NAA15: variants seen among roughly 807,000 people sequenced by gnomAD.
NAA15 encodes the protein N-terminal acetyltransferase.
A neutral mutation model predicts 114.0 loss-of-function variants in NAA15; 34 were observed. The observed-to-expected ratio is 0.30, with a 90% CI of 0.23 to 0.40. NAA15 has a LOEUF of 0.40. Ranked by LOEUF, NAA15 falls within the 10% of genes least tolerant of loss-of-function variation. The pLI, the probability that NAA15 is intolerant of heterozygous loss-of-function variation, is 1.00. For synonymous variants in NAA15, 340 were observed against 338.0 expected, an observed-to-expected ratio of 1.01 and a Z score of -0.06; for missense variants, 658 against 1,004.5, an observed-to-expected ratio of 0.66 and a Z score of 4.66.
At position 139,340,094 on chromosome 4, in the gene NAA15, G is replaced by GGT. The variant is rs561024923; in HGVS notation, c.245-815_245-814dup. 1.1e-4 allele frequency among the ~76,000 whole-genome samples: 17 copies of GGT among 152,296 alleles called. No individual in the cohort carries two copies. In the South Asian group the frequency reaches 3.5e-3, roughly 32 times the overall value. On this transcript the variant is annotated intron_variant, in intron 3 of 19. Coordinates refer to ENST00000296543, the MANE Select transcript of NAA15 (RefSeq NM_057175.5). ...CCCCGCACTTTGGGAGGCCAAGGCA[G>GGT]GTGTATTGCTTGGGCTCAGGAGTTT...
intron 14 of NAA15, among the ~76,000 whole-genome samples, chr4:139,365,937 G>C (rs1424566783): frequency 1.3e-5 from 2 of 152,026 alleles, no homozygotes; most frequent in African/African-American, 4.8e-5. Flanking sequence ...TATGTTACCA[G>C]TTGTTAAAAA....
chr4:139,340,193 G>T (rs1234647791), intron 3 of NAA15, among the ~76,000 whole-genome samples: 1 of 152,040 alleles, frequency 6.6e-6, no homozygotes, highest in Non-Finnish European at 1.5e-5. Flanking sequence ...ATGCTGGTGT[G>T]TGCCTGTAGT....
chr4:139,365,249 G>A (rs1279171341), intron 14 of NAA15, among the ~76,000 whole-genome samples: 1 of 152,038 alleles, frequency 6.6e-6, no homozygotes, highest in Non-Finnish European at 1.5e-5. Context: ...TGTTGGTCGG[G>A]CTGGTCTCGA....
chr4:139,358,993 T>C (rs1216306009), intron 11 of NAA15, among the ~76,000 whole-genome samples: 2 of 151,646 alleles, frequency 1.3e-5, no homozygotes, highest in Non-Finnish European at 1.5e-5. Context: ...CAGGCCCAGC[T>C]ACTCGGGAGG....
intron 1 of NAA15, among the ~76,000 whole-genome samples, chr4:139,326,319 A>G (rs942759236): frequency 6.6e-6 from 1 of 152,152 alleles, no homozygotes; most frequent in Non-Finnish European, 1.5e-5. Flanking sequence ...TAAAATGAAG[A>G]TAGTAAGACT....
At chr4:139,333,791 T>G (rs549463346) in intron 1 of NAA15, among the ~76,000 whole-genome samples, 1 of 152,246 alleles carries the variant, frequency 6.6e-6, no homozygotes, top group African/African-American at 2.4e-5. Flanking sequence ...TCCCAGCTAC[T>G]TGGGAGGCTG....
chr4:139,323,736 G>T (rs1283406740), intron 1 of NAA15, among the ~76,000 whole-genome samples: 1 of 152,158 alleles, frequency 6.6e-6, no homozygotes, highest in Non-Finnish European at 1.5e-5. Context: ...CGGTAGTCCT[G>T]TATTGGCTTT....
chr4:139,379,934 A>C (rs1050469183), intron 17 of NAA15, among the ~76,000 whole-genome samples: 1 of 152,118 alleles, frequency 6.6e-6, no homozygotes, highest in Admixed American at 6.5e-5. Context: ...AGTCCCAGCT[A>C]TTCAGGAGGG....
intron 9 of NAA15, 43 bp from the exon 10 acceptor site, chr4:139,353,983 T>C (rs758346914): frequency 1.4e-6 from 2 of 1,469,044 alleles, no homozygotes; most frequent in South Asian, 1.2e-5. Context: ...ATAGTAAATG[T>C]GTGTTTTTTC....
At chr4:139,351,407 A>G in intron 8 of NAA15, 98 bp from the exon 9 acceptor site, 6 of 1,036,004 alleles carry the variant, frequency 5.8e-6, no homozygotes, top group Non-Finnish European at 7.4e-6. Flanking sequence ...TTGTCTAACA[A>G]CTCTGCTAAA....
chr4:139,360,041 A>T (rs1748083906), intron 12 of NAA15, 146 bp downstream of exon 12: 1 of 743,614 alleles, frequency 1.3e-6, no homozygotes, highest in Admixed American at 3.7e-5. Flanking sequence ...GTATCAGAAG[A>T]TACTGGAGTC....
chr4:139,359,546 A>G (rs1273929760), intron 11 of NAA15, among the ~76,000 whole-genome samples, 197 bp from the exon 12 acceptor site: 1 of 152,266 alleles, frequency 6.6e-6, no homozygotes, highest in East Asian at 1.9e-4. Flanking sequence ...CAGACAGCTT[A>G]CATTCTAGAA....
Position 139,301,733 on chromosome 4 carries a change from T to C in NAA15, c.-45T>C. On this transcript the variant is annotated 5_prime_UTR_variant, in exon 1 of 20. Coordinates refer to ENST00000296543, the MANE Select transcript of NAA15 (RefSeq NM_057175.5). ...AGCGGCGGCGGTCGGACAAACTGAC[T>C]GACCGAGCCGGGTGGTGGCGGGAGC... The C allele has an allele frequency of 1.3e-6, 2 of 1,537,736 alleles. No individual in the cohort carries two copies. The highest frequency in any genetic ancestry group is 2.4e-5 in the South Asian group (2 of 83,622).
intron 15 of NAA15, among the ~76,000 whole-genome samples, chr4:139,372,703 A>G (rs1465813765): frequency 1.3e-5 from 2 of 152,022 alleles, no homozygotes; most frequent in African/African-American, 4.8e-5. Flanking sequence ...CTGGTTCTGC[A>G]GTATATAGTA....
chr4:139,310,870 C>T (rs1440651722), intron 1 of NAA15, among the ~76,000 whole-genome samples: 5 of 151,880 alleles, frequency 3.3e-5, no homozygotes, highest in East Asian at 3.9e-4. Context: ...CCACCTGCCT[C>T]GGCCTCCCAA....
chr4:139,369,374 C>T (rs912779362), intron 14 of NAA15, among the ~76,000 whole-genome samples: 24 of 152,176 alleles, frequency 1.6e-4, no homozygotes, highest in African/African-American at 5.6e-4. Flanking sequence ...TGTTTACATG[C>T]ATATCCCATA....
intron 13 of NAA15, among the ~76,000 whole-genome samples, chr4:139,361,011 A>G (rs1305316149): frequency 6.6e-6 from 1 of 152,108 alleles, no homozygotes; most frequent in African/African-American, 2.4e-5. Context: ...TAAATGTTGG[A>G]AGACTTTTCA....
chr4:139,346,816 C>T (rs1471961103), intron 6 of NAA15, among the ~76,000 whole-genome samples: 1 of 152,208 alleles, frequency 6.6e-6, no homozygotes, highest in African/African-American at 2.4e-5. Flanking sequence ...CCACCGCACC[C>T]AGCCTAGGCA....
At chr4:139,321,011 A>G (rs1322541553) in intron 1 of NAA15, among the ~76,000 whole-genome samples, 1 of 151,796 alleles carries the variant, frequency 6.6e-6, no homozygotes. Context: ...TGTGCTGTGC[A>G]CTTTTGTGAC....
Sources: gnomAD v4.1 joint callset for allele counts (sites outside exome capture counted in the v4.1 genomes callset) on GRCh38, gnomAD v4.1.1 for gene constraint, MANE v1.5 for transcripts, NCBI Gene and HGNC (gene_info 2026-07-23, HGNC 2026-07-21) for gene names.